The following DOCK5 variants were observed in gnomAD, a reference collection of about 807,000 sequenced individuals.
The protein encoded by DOCK5 is dedicator of cytokinesis 5.
DOCK5 carries 142 observed loss-of-function variants against 251.8 expected under a neutral mutation model. The observed-to-expected ratio is 0.56, with a 90% CI of 0.49 to 0.65. The LOEUF is 0.65. Ranked by LOEUF, DOCK5 falls within the 30% of genes least tolerant of loss-of-function variation. DOCK5 has a pLI of 0.00. For missense variants in DOCK5, 2,111 were observed against 2,312.3 expected, an observed-to-expected ratio of 0.91 and a Z score of 1.79; for synonymous variants, 842 against 835.5, an observed-to-expected ratio of 1.01 and a Z score of -0.13.
intron 43 of DOCK5, 54 bp from the exon 44 acceptor site, chr8:25,392,742 A>T: frequency 1.4e-6 from 2 of 1,459,160 alleles, no homozygotes; most frequent in South Asian, 1.2e-5. Context: ...CCAACATTTC[A>T]TGTTTTCCTC....
chr8:25,325,309 TTGCA>T (rs1221643608), intron 17 of DOCK5, 51 bp from the exon 18 acceptor site: 1 of 1,563,252 alleles, frequency 6.4e-7, no homozygotes, highest in African/African-American at 1.4e-5. Flanking sequence ...TTGTTTTTAT[TTGCA>T]TATAAGAGAT....
intron 18 of DOCK5, among the ~76,000 whole-genome samples, chr8:25,327,815 A>G (rs1363511456): frequency 6.6e-6 from 1 of 152,190 alleles, no homozygotes; most frequent in East Asian, 1.9e-4. Flanking sequence ...GAGATCTGTT[A>G]TATATCCTCG....
rs918735520 is a variant in DOCK5, at chr8:25,320,864, C to T, written c.1543-116C>T. ...TTTGAATGAAACCTATACCAAATCTCACTCTCTAGTAATTTGTGCTGTGGA... is the reference window on the plus strand; with the variant it reads ...TTTGAATGAAACCTATACCAAATCTTACTCTCTAGTAATTTGTGCTGTGGA... On this transcript the variant is annotated intron_variant, in intron 15 of 51. Coordinates refer to ENST00000276440, the MANE Select transcript of DOCK5 (RefSeq NM_024940.8). 10 of 822,810 alleles carry T rather than the reference C, an allele frequency of 1.2e-5. No individual in the cohort carries two copies. In the African/African-American group the frequency reaches 1.6e-4, roughly 13 times the overall value. The allele number at this position is 822,810 out of a possible 1,614,324, so 51.0% of individuals were successfully genotyped here.
chr8:25,402,450 CCAT>C (rs998262530), intron 47 of DOCK5, among the ~76,000 whole-genome samples: 1 of 152,186 alleles, frequency 6.6e-6, no homozygotes, highest in African/African-American at 2.4e-5. Context: ...GTGCCCGCCA[CCAT>C]GCCCAGCTAT....
intron 36 of DOCK5, among the ~76,000 whole-genome samples, chr8:25,374,306 C>T (rs1046801306): frequency 5.9e-5 from 9 of 152,004 alleles, no homozygotes; most frequent in African/African-American, 1.7e-4. Flanking sequence ...AATCAACTCT[C>T]GAGCCTGGGC....
intron 5 of DOCK5, among the ~76,000 whole-genome samples, chr8:25,285,531 G>T (rs1804309665): frequency 6.6e-6 from 1 of 152,190 alleles, no homozygotes; most frequent in Non-Finnish European, 1.5e-5. Flanking sequence ...AAAGAACCCT[G>T]TGGCAGTCTA....
At chr8:25,272,393 A>G (rs1265500959) in intron 3 of DOCK5, among the ~76,000 whole-genome samples, 2 of 152,196 alleles carry the variant, frequency 1.3e-5, no homozygotes, top group Admixed American at 6.5e-5. Flanking sequence ...TCTGCTTATG[A>G]TCTGCTTAGA....
chr8:25,289,278 G>C (rs1344381314), intron 5 of DOCK5, among the ~76,000 whole-genome samples: 2 of 151,904 alleles, frequency 1.3e-5, no homozygotes, highest in Non-Finnish European at 2.9e-5. Flanking sequence ...ATCTCTCTCT[G>C]TGTGTGCATT....
At chr8:25,321,788 CT>C (rs1805432441) in intron 16 of DOCK5, among the ~76,000 whole-genome samples, 1 of 152,092 alleles carries the variant, frequency 6.6e-6, no homozygotes, top group African/African-American at 2.4e-5. Context: ...AGGTCCCCTG[CT>C]CTAAGATGCT....
At chr8:25,272,976 G>C (rs1803950665) in intron 3 of DOCK5, among the ~76,000 whole-genome samples, 1 of 152,082 alleles carries the variant, frequency 6.6e-6, no homozygotes, top group African/African-American at 2.4e-5. Context: ...TTTGTGACTG[G>C]CTTATTTCAC....
chr8:25,242,298 T>C (rs1433607871), intron 1 of DOCK5, among the ~76,000 whole-genome samples: 3 of 152,192 alleles, frequency 2.0e-5, no homozygotes, highest in South Asian at 4.1e-4. Context: ...AAGGTTCTTA[T>C]GTAGACACAT....
chr8:25,269,532 T>C (rs1019677209), intron 3 of DOCK5, among the ~76,000 whole-genome samples: 1 of 152,258 alleles, frequency 6.6e-6, no homozygotes, highest in African/African-American at 2.4e-5. Context: ...GCCATAAGAA[T>C]GTATCTTTTA....
intron 25 of DOCK5, among the ~76,000 whole-genome samples, 197 bp downstream of exon 25, chr8:25,342,704 T>G (rs1372923570): frequency 8.2e-6 from 1 of 121,828 alleles, no homozygotes; most frequent in Non-Finnish European, 1.8e-5. Context: ...TTTTTTTTTT[T>G]TTTTTTTTTT....
intron 2 of DOCK5, among the ~76,000 whole-genome samples, chr8:25,249,020 A>G (rs1457785585): frequency 6.6e-6 from 1 of 152,036 alleles, no homozygotes; most frequent in Admixed American, 6.6e-5. Context: ...TTTTTTTTAG[A>G]GACAGGGTCT....
chr8:25,362,239 A>G (rs1800696131), intron 28 of DOCK5, among the ~76,000 whole-genome samples: 1 of 152,128 alleles, frequency 6.6e-6, no homozygotes, highest in Admixed American at 6.5e-5. Flanking sequence ...TTTTCTAACC[A>G]TAATAAAGGA....
chr8:25,335,761 A>C (rs1282652319), intron 21 of DOCK5, among the ~76,000 whole-genome samples: 2 of 152,132 alleles, frequency 1.3e-5, no homozygotes. Flanking sequence ...TGTTCTGGAG[A>C]GTGAGCTCCT....
intron 5 of DOCK5, among the ~76,000 whole-genome samples, chr8:25,282,387 C>G (rs1014594884): frequency 6.6e-6 from 1 of 152,124 alleles, no homozygotes; most frequent in African/African-American, 2.4e-5. Flanking sequence ...GTTTTCGTGT[C>G]CCATCTCCTT....
intron 25 of DOCK5, among the ~76,000 whole-genome samples, 184 bp downstream of exon 25, chr8:25,342,691 GTTTTTTTTTTT>G (rs1201632677): frequency 1.4e-5 from 1 of 72,068 alleles, no homozygotes; most frequent in African/African-American, 5.7e-5. Flanking sequence ...GTTTTTTCTT[GTTTTTTTTTTT>G]TTTTTTTTTT....
intron 9 of DOCK5, among the ~76,000 whole-genome samples, chr8:25,301,183 G>A (rs1443494607): frequency 6.6e-6 from 1 of 152,222 alleles, no homozygotes; most frequent in African/African-American, 2.4e-5. Context: ...AGCACATATA[G>A]AGTTCGGTAC....
Sources: gnomAD v4.1 joint callset for allele counts (sites outside exome capture counted in the v4.1 genomes callset) on GRCh38, gnomAD v4.1.1 for gene constraint, MANE v1.5 for transcripts, NCBI Gene and HGNC (gene_info 2026-07-23, HGNC 2026-07-21) for gene names.